EXD2: variants seen among roughly 807,000 people sequenced by gnomAD.
EXD2 encodes exonuclease 3'-5' domain-containing protein 2.
Under a neutral mutation model 62.5 loss-of-function variants are expected in EXD2, and 40 were observed. The ratio of observed to expected loss-of-function variants is 0.64; its 90% CI spans 0.50 to 0.83. The LOEUF (loss-of-function observed/expected upper bound fraction) is 0.83. Among genes scored for constraint, EXD2 ranks in the 40% least tolerant of loss-of-function variants. EXD2 has a pLI of 0.00. For synonymous variants in EXD2, 239 were observed against 291.9 expected (o/e 0.82, Z 1.85); for missense variants, 671 against 761.8 (o/e 0.88, Z 1.40).
intron 3 of EXD2, among the ~76,000 whole-genome samples, chr14:69,219,444 G>T (rs2043096953): frequency 6.6e-6 from 1 of 152,172 alleles, no homozygotes. Flanking sequence ...GAATGGTGCT[G>T]CAGTAAACAT....
intron 3 of EXD2, among the ~76,000 whole-genome samples, chr14:69,211,173 TC>T (rs1349013619): frequency 1.3e-5 from 2 of 152,216 alleles, no homozygotes; most frequent in African/African-American, 4.8e-5. Context: ...GAGTCAGTCC[TC>T]TGAAACCCTG....
intron 3 of EXD2, among the ~76,000 whole-genome samples, chr14:69,226,729 C>T (rs2043376037): frequency 6.7e-6 from 1 of 150,364 alleles, no homozygotes; most frequent in Non-Finnish European, 1.5e-5. Context: ...GCCTAGGCAA[C>T]AGAGCGAGAC....
intron 3 of EXD2, 33 bp downstream of exon 3, chr14:69,209,836 A>AC: frequency 7.0e-7 from 1 of 1,424,178 alleles, no homozygotes; most frequent in Non-Finnish European, 9.3e-7. Flanking sequence ...AAAAAAAAAA[A>AC]AAAAAACAAC....
At chr14:69,229,616 A>C (rs369585348) in intron 4 of EXD2, among the ~76,000 whole-genome samples, 4 of 152,306 alleles carry the variant, frequency 2.6e-5, no homozygotes, top group African/African-American at 7.2e-5. Flanking sequence ...AGCCTGCTTT[A>C]GGCCAAAAAT....
chr14:69,203,019 T>C (rs886725301), intron 1 of EXD2, among the ~76,000 whole-genome samples: 2 of 152,198 alleles, frequency 1.3e-5, no homozygotes, highest in African/African-American at 2.4e-5. Context: ...GAAGTAATAG[T>C]ATCACTGTAG....
At position 69,236,538 on chromosome 14, in the gene EXD2, A is replaced by C. The variant is rs1371676959; in HGVS notation, c.1288A>C (p.Ile430Leu). 1 of 1,614,132 alleles carries C rather than the reference A, an allele frequency of 6.2e-7. No individual in the cohort carries two copies. The highest frequency in any genetic ancestry group is 8.5e-7 in the Non-Finnish European group (1 of 1,179,990). The change falls in exon 8 of 10, where the codon ATT becomes CTT. Residue 430 changes from isoleucine (I) to leucine (L), a missense_variant. By Grantham distance (5) the Ile-to-Leu change is conservative. Transcript: ENST00000685843. Reference protein sequence around the residue: ...CVVCGKRDSYIRKNVIPHEYR... With the variant: ...CVVCGKRDSYLRKNVIPHEYR... ...AGTGTGTGGCAAGAGAGACTCCTAC[A>C]TTCGGTGAGTGCAGCATTGGGCCAC...
chr14:69,230,240 T>C (rs571509587), intron 4 of EXD2, among the ~76,000 whole-genome samples: 8 of 152,324 alleles, frequency 5.3e-5, no homozygotes, highest in African/African-American at 1.9e-4. Flanking sequence ...ATCTGTAAAG[T>C]AGAGTTGATA....
chr14:69,222,052 C>T (rs1005843739), intron 3 of EXD2, among the ~76,000 whole-genome samples: 1 of 150,560 alleles, frequency 6.6e-6, no homozygotes, highest in Non-Finnish European at 1.5e-5. Context: ...CGTGCCATTG[C>T]ACTCCACCTA....
Position 69,234,898 on chromosome 14 carries a change from G to A in EXD2, c.916G>A (p.Gly306Arg), listed in dbSNP as rs1420228608. The change falls in exon 6 of 10, where the codon GGG (glycine) becomes AGG (arginine). Residue 306 changes from glycine to arginine, a missense_variant. Transcript: ENST00000685843. ...GAGCAGATTGGGAGAAGAGGTTAATGGGGAAGCAACAGAATCTCAGCAGAA... is the reference window on the plus strand; with the variant it reads ...GAGCAGATTGGGAGAAGAGGTTAATAGGGAAGCAACAGAATCTCAGCAGAA... ...GMSRLGEEVNGEATESQQKPR... is the reference protein window; with the variant it reads ...GMSRLGEEVNREATESQQKPR... The A allele has an allele frequency of 6.2e-6, 10 of 1,614,064 alleles. No homozygotes were observed. In the South Asian group the frequency reaches 7.7e-5, roughly 12 times the overall value.
At chr14:69,204,643 G>C (rs948756254) in intron 2 of EXD2, among the ~76,000 whole-genome samples, 4 of 152,104 alleles carry the variant, frequency 2.6e-5, no homozygotes, top group African/African-American at 9.7e-5. Context: ...GTGAGGGATC[G>C]AAAAGCTTGG....
intron 3 of EXD2, among the ~76,000 whole-genome samples, chr14:69,217,479 T>C (rs958787991): frequency 6.6e-6 from 1 of 152,260 alleles, no homozygotes; most frequent in Non-Finnish European, 1.5e-5. Context: ...TGACAAGATT[T>C]CATTATTTTT....
chr14:69,198,141 A>G (rs11845360), intron 1 of EXD2, among the ~76,000 whole-genome samples: 4 of 152,210 alleles, frequency 2.6e-5, no homozygotes, highest in South Asian at 2.1e-4. Context: ...TTAAAATAGT[A>G]TACAGGTATA....
chr14:69,236,755 G>A (rs2043807295), intron 8 of EXD2, among the ~76,000 whole-genome samples: 1 of 152,176 alleles, frequency 6.6e-6, no homozygotes, highest in South Asian at 2.1e-4. Flanking sequence ...TTTCTGGAGT[G>A]CAACACCATA....
intron 9 of EXD2, 82 bp downstream of exon 9, chr14:69,238,013 T>C: frequency 7.8e-7 from 1 of 1,286,076 alleles, no homozygotes; most frequent in Non-Finnish European, 1.1e-6. Flanking sequence ...GGAGGGGGCA[T>C]TGGCTGCTTA....
At chr14:69,240,854 TCAGA>T (rs1405535401) in intron 9 of EXD2, 26 bp from the exon 10 acceptor site, 1 of 1,601,252 alleles carries the variant, frequency 6.2e-7, no homozygotes, top group Non-Finnish European at 8.5e-7. Flanking sequence ...CTTGTTTCCC[TCAGA>T]CACTTTGTTT....
intron 1 of EXD2, among the ~76,000 whole-genome samples, chr14:69,194,659 T>G (rs1328352101): frequency 6.6e-6 from 1 of 152,192 alleles, no homozygotes; most frequent in Non-Finnish European, 1.5e-5. Context: ...ATGTGCTCAT[T>G]TATCATACAG....
At chr14:69,219,500 G>A (rs1466599966) in intron 3 of EXD2, among the ~76,000 whole-genome samples, 1 of 152,124 alleles carries the variant, frequency 6.6e-6, no homozygotes, top group Non-Finnish European at 1.5e-5. Flanking sequence ...TTTCACTTGG[G>A]TATATATCCA....
chr14:69,233,412 A>T (rs28498984), intron 5 of EXD2, among the ~76,000 whole-genome samples: 1,815 of 151,004 alleles, frequency 0.012, 41 homozygotes, highest in African/African-American at 0.041. Flanking sequence ...TTTTTTTTTT[A>T]AATTTAATTT....
rs1352860092 is a variant in EXD2 at position 69,230,218 on chromosome 14, C to T, written c.591-254C>T. Among the ~76,000 whole-genome samples, 4 of 152,214 alleles carry T rather than the reference C, an allele frequency of 2.6e-5. No homozygotes were observed. The East Asian group carries it at 5.8e-4, about 22-fold the overall frequency. On this transcript the variant is annotated intron_variant, in intron 4 of 9. Coordinates refer to ENST00000685843, the MANE Select transcript of EXD2 (RefSeq NM_001193360.2). ...GGCACAGTACTAAGCCTCTCTGTTC[C>T]TCAGTTTCCTCATCTGTAAAGTAGA...
Sources: gnomAD v4.1 joint callset for allele counts (sites outside exome capture counted in the v4.1 genomes callset) on GRCh38, gnomAD v4.1.1 for gene constraint, MANE v1.5 for transcripts, NCBI Gene and HGNC (gene_info 2026-07-23, HGNC 2026-07-21) for gene names.